DLC1: variants seen among roughly 807,000 people sequenced by gnomAD.
DLC1 encodes the protein DLC1 Rho GTPase activating protein, also known as rho GTPase-activating protein 7.
DLC1 carries 54 observed loss-of-function variants against 140.3 expected under a neutral mutation model. That is an observed-to-expected ratio of 0.38 (90% CI 0.31 to 0.48). The LOEUF is 0.48. Among genes scored for constraint, DLC1 ranks in the 20% least tolerant of loss-of-function variants. The probability of loss-of-function intolerance (pLI) is 0.96; values close to 1 mark genes in which losing one functional copy is unlikely to be tolerated. For missense variants in DLC1, 2,536 were observed against 1,907.0 expected (o/e 1.33, Z -6.14); for synonymous variants, 986 against 728.1 (o/e 1.35, Z -5.70).
At chr8:13,203,614 T>C (rs1827507954) in intron 5 of DLC1, among the ~76,000 whole-genome samples, 1 of 152,230 alleles carries the variant, frequency 6.6e-6, no homozygotes, top group Non-Finnish European at 1.5e-5. Flanking sequence ...TTTTCCATCC[T>C]CTCTTCTTGT....
At chr8:13,176,302 G>T (rs966131592) in intron 5 of DLC1, among the ~76,000 whole-genome samples, 1 of 152,122 alleles carries the variant, frequency 6.6e-6, no homozygotes, top group African/African-American at 2.4e-5. Flanking sequence ...CTTTTGTCCG[G>T]GTGTGGTGGT....
chr8:13,122,625 G>A (rs759450595), intron 5 of DLC1, among the ~76,000 whole-genome samples: 2 of 152,066 alleles, frequency 1.3e-5, no homozygotes, highest in Non-Finnish European at 2.9e-5. Flanking sequence ...CTGGTTATCA[G>A]GAGTTATCTA....
intron 5 of DLC1, among the ~76,000 whole-genome samples, chr8:13,128,434 T>G (rs1403042638): frequency 6.6e-6 from 1 of 152,140 alleles, no homozygotes; most frequent in South Asian, 2.1e-4. Context: ...ACATTACAGC[T>G]GCCTACCTAC....
At chr8:13,092,487 C>T in intron 13 of DLC1, 125 bp downstream of exon 13, 1 of 1,015,722 alleles carries the variant, frequency 9.8e-7, no homozygotes, top group Non-Finnish European at 1.4e-6. Context: ...TGAGAATGGA[C>T]TAATATAGCG....
intron 1 of DLC1, among the ~76,000 whole-genome samples, chr8:13,572,813 C>T (rs1804708803): frequency 6.6e-6 from 1 of 152,108 alleles, no homozygotes; most frequent in South Asian, 2.1e-4. Context: ...TATTTCTGAA[C>T]TCTAAATTCT....
intron 2 of DLC1, among the ~76,000 whole-genome samples, chr8:13,413,488 G>T (rs865909309): frequency 3.2e-4 from 37 of 114,468 alleles, no homozygotes; most frequent in Admixed American, 2.4e-4. Context: ...CTCTGTGTGT[G>T]TGTGTGCACA....
intron 5 of DLC1, among the ~76,000 whole-genome samples, chr8:13,253,642 G>T (rs1032254402): frequency 5.9e-5 from 9 of 152,118 alleles, no homozygotes; most frequent in African/African-American, 1.9e-4. Flanking sequence ...TGTTTTAACC[G>T]AAAATAGCAA....
intron 2 of DLC1, among the ~76,000 whole-genome samples, chr8:13,428,951 C>T (rs1436854609): frequency 6.6e-6 from 1 of 152,164 alleles, no homozygotes; most frequent in African/African-American, 2.4e-5. Flanking sequence ...ATAATCTCTG[C>T]CTAAATAAGT....
intron 2 of DLC1, among the ~76,000 whole-genome samples, chr8:13,482,889 C>T (rs1466552932): frequency 6.6e-6 from 1 of 152,212 alleles, no homozygotes; most frequent in Non-Finnish European, 1.5e-5. Flanking sequence ...GTGACGGTCC[C>T]TGTCTTCAAG....
At chr8:13,604,349 C>A (rs1389361462) in intron 1 of DLC1, among the ~76,000 whole-genome samples, 1 of 152,116 alleles carries the variant, frequency 6.6e-6, no homozygotes, top group African/African-American at 2.4e-5. Flanking sequence ...TGACACTGAG[C>A]ATCTCAACTT....
intron 4 of DLC1, among the ~76,000 whole-genome samples, chr8:13,383,403 C>A (rs1049435285): frequency 2.6e-5 from 4 of 152,154 alleles, no homozygotes; most frequent in African/African-American, 9.7e-5. Context: ...AGGGGCTGTG[C>A]TTGAGGAAGT....
chr8:13,569,738 T>C (rs1036296795), intron 1 of DLC1, among the ~76,000 whole-genome samples: 14 of 152,246 alleles, frequency 9.2e-5, no homozygotes, highest in African/African-American at 1.9e-4. Context: ...TTATTTATTA[T>C]TGAGACAGGG....
chr8:13,382,978 AAG>A (rs1451385777), intron 4 of DLC1, among the ~76,000 whole-genome samples: 1 of 152,226 alleles, frequency 6.6e-6, no homozygotes, highest in African/African-American at 2.4e-5. Context: ...ACAAAGTTGA[AAG>A]AGATCATATG....
chr8:13,478,706 A>G (rs948521693), intron 2 of DLC1, among the ~76,000 whole-genome samples: 115 of 152,188 alleles, frequency 7.6e-4, no homozygotes, highest in African/African-American at 2.7e-3. Context: ...AATCATTTCT[A>G]TCAGCTTCCA....
chr8:13,468,811 CTTTTTTTTTT>C (rs78775803), intron 2 of DLC1, among the ~76,000 whole-genome samples: 1 of 89,960 alleles, frequency 1.1e-5, no homozygotes, highest in Admixed American at 1.5e-4. Flanking sequence ...TTTATGTCTG[CTTTTTTTTTT>C]TTTTTTTTTT....
chr8:13,404,332 A>G (rs934213215), intron 2 of DLC1, among the ~76,000 whole-genome samples: 4 of 152,112 alleles, frequency 2.6e-5, no homozygotes, highest in African/African-American at 9.7e-5. Flanking sequence ...GCTGCCAAGA[A>G]GATGTTACTG....
At chr8:13,289,291 A>G (rs994218513) in intron 5 of DLC1, among the ~76,000 whole-genome samples, 10 of 152,206 alleles carry the variant, frequency 6.6e-5, no homozygotes, top group African/African-American at 2.2e-4. Flanking sequence ...CCTGAGTTCA[A>G]GCTATCTTCC....
intron 5 of DLC1, among the ~76,000 whole-genome samples, chr8:13,285,703 A>G (rs2117442091): frequency 6.6e-6 from 1 of 152,264 alleles, no homozygotes; most frequent in South Asian, 2.1e-4. Flanking sequence ...TGCTGGTGGG[A>G]ATGTAAAATG....
At chr8:13,575,699 A>G (rs1211109825) in intron 1 of DLC1, among the ~76,000 whole-genome samples, 1 of 152,194 alleles carries the variant, frequency 6.6e-6, no homozygotes, top group Non-Finnish European at 1.5e-5. Context: ...AGTGTACCAT[A>G]ATAGTGCTCT....
Sources: allele counts gnomAD v4.1 joint callset (sites outside exome capture counted in the v4.1 genomes callset), GRCh38; gene constraint gnomAD v4.1.1; transcripts MANE v1.5; gene names NCBI Gene and HGNC (gene_info 2026-07-23, HGNC 2026-07-21).